Variants in PCDH15 observed in about 807,000 individuals in gnomAD.
PCDH15 encodes protocadherin-15.
In PCDH15, 129 loss-of-function variants were observed where a neutral mutation model predicts 178.5. The observed-to-expected ratio is 0.72, with a 90% CI of 0.63 to 0.84. The LOEUF (loss-of-function observed/expected upper bound fraction) is 0.84, where lower values mean the gene tolerates loss of function less well. Ranked by LOEUF, PCDH15 falls within the 40% of genes least tolerant of loss-of-function variation. The pLI is 0.00. For synonymous variants in PCDH15, 800 were observed against 732.0 expected (o/e 1.09, Z -1.50); for missense variants, 2,230 against 2,099.9 (o/e 1.06, Z -1.21).
At chr10:53,902,599 T>C (rs1029808342) in intron 26 of PCDH15, among the ~76,000 whole-genome samples, 2 of 152,214 alleles carry the variant, frequency 1.3e-5, no homozygotes, top group Admixed American at 1.3e-4. Context: ...TAATACACAG[T>C]TGATTAGAAA....
Position 54,188,891 on chromosome 10 carries a change from T to G in PCDH15, c.1306-3623A>C, listed in dbSNP as rs892965029. ...ATGTATGCATATACAAGAGCATACA[T>G]ATAAATGACAAAGCATAAGAGAAAA... is the stretch of plus-strand genomic sequence containing the variant. On this transcript the variant is annotated intron_variant, in intron 11 of 37. Transcript: ENST00000644397. Among the ~76,000 whole-genome samples, 4 of 152,046 alleles carry G rather than the reference T, an allele frequency of 2.6e-5. No individual in the cohort carries two copies. In the South Asian group the frequency reaches 8.3e-4, roughly 32 times the overall value.
At chr10:54,826,330 A>G (rs1198021799) in intron 3 of PCDH15, among the ~76,000 whole-genome samples, 1 of 152,066 alleles carries the variant, frequency 6.6e-6, no homozygotes, top group Non-Finnish European at 1.5e-5. Flanking sequence ...AAGATAGTTT[A>G]ATAAAAGTAT....
chr10:55,060,387 C>G (rs919374314), intron 2 of PCDH15, among the ~76,000 whole-genome samples: 2 of 152,014 alleles, frequency 1.3e-5, no homozygotes, highest in Non-Finnish European at 2.9e-5. Context: ...CTTACTATTG[C>G]TCACTTACTA....
chr10:54,706,726 C>T (rs189086992), intron 1 of PCDH15, among the ~76,000 whole-genome samples: 3 of 152,228 alleles, frequency 2.0e-5, no homozygotes, highest in Admixed American at 2.0e-4. Context: ...CAGGTTCAAA[C>T]GATCCTCGTG....
At chr10:53,898,839 G>A (rs1249909318) in intron 26 of PCDH15, among the ~76,000 whole-genome samples, 2 of 152,102 alleles carry the variant, frequency 1.3e-5, no homozygotes, top group African/African-American at 4.8e-5. Flanking sequence ...TTCCCCTGAA[G>A]CACATGATCC....
At chr10:55,094,205 T>C (rs1034765712) in intron 2 of PCDH15, among the ~76,000 whole-genome samples, 66 of 152,254 alleles carry the variant, frequency 4.3e-4, no homozygotes, top group Admixed American at 3.9e-4. Context: ...TGGAATACTA[T>C]GCAGCCATAA....
chr10:54,004,483 C>T (rs2660176), intron 20 of PCDH15, among the ~76,000 whole-genome samples: 112,472 of 151,388 alleles, frequency 0.74, 42,294 homozygotes, highest in African/African-American at 0.86. Flanking sequence ...AAAATCAACA[C>T]AGAAAAATCA....
intron 2 of PCDH15, among the ~76,000 whole-genome samples, chr10:54,947,903 T>A (rs1591800804): frequency 1.3e-5 from 2 of 152,050 alleles, no homozygotes; most frequent in African/African-American, 4.8e-5. Context: ...GTGTATTAGG[T>A]AGAATGAACA....
At chr10:54,147,423 T>TA (rs2044097751) in intron 14 of PCDH15, among the ~76,000 whole-genome samples, 2 of 151,816 alleles carry the variant, frequency 1.3e-5, no homozygotes, top group Admixed American at 1.3e-4. Flanking sequence ...TTTACTTAAG[T>TA]AAAAAACATT....
At chr10:54,077,709 T>G (rs1374057322) in intron 17 of PCDH15, among the ~76,000 whole-genome samples, 1 of 150,094 alleles carries the variant, frequency 6.7e-6, no homozygotes, top group Non-Finnish European at 1.5e-5. Context: ...GTTCTTCAAT[T>G]ACTTCCTCCA....
intron 32 of PCDH15, among the ~76,000 whole-genome samples, chr10:53,824,015 A>ATACCAATCAGGAAAAATTGT (rs1564543464): frequency 6.6e-6 from 1 of 152,056 alleles, no homozygotes; most frequent in African/African-American, 2.4e-5. Context: ...CTTATACATA[A>ATACCAATCAGGAAAAATTGT]TACCAATCAG....
chr10:54,977,261 A>G (rs2131899932), intron 2 of PCDH15, among the ~76,000 whole-genome samples: 1 of 152,270 alleles, frequency 6.6e-6, no homozygotes, highest in African/African-American at 2.4e-5. Context: ...CAAGATGAGA[A>G]AGAAGGTCAG....
chr10:54,951,236 T>C (rs1302617279), intron 2 of PCDH15, among the ~76,000 whole-genome samples: 1 of 151,860 alleles, frequency 6.6e-6, no homozygotes, highest in African/African-American at 2.4e-5. Context: ...CCTCATGCAC[T>C]CTAAACCTCT....
intron 3 of PCDH15, among the ~76,000 whole-genome samples, chr10:54,881,944 G>C (rs910213364): frequency 6.6e-6 from 1 of 152,080 alleles, no homozygotes; most frequent in Non-Finnish European, 1.5e-5. Context: ...ATATATATTT[G>C]AAAATATCAG....
chr10:54,008,173 G>C (rs563021520), intron 20 of PCDH15, among the ~76,000 whole-genome samples: 1 of 152,080 alleles, frequency 6.6e-6, no homozygotes, highest in Non-Finnish European at 1.5e-5. Flanking sequence ...ATAAAAAAGT[G>C]GTATTACATA....
intron 2 of PCDH15, among the ~76,000 whole-genome samples, chr10:55,490,594 G>A (rs1304761614): frequency 6.6e-6 from 1 of 151,626 alleles, no homozygotes; most frequent in Non-Finnish European, 1.5e-5. Context: ...TAGAGTAAAG[G>A]CTACTCTAGA....
intron 2 of PCDH15, among the ~76,000 whole-genome samples, chr10:55,484,741 G>C (rs907708105): frequency 6.6e-6 from 1 of 151,652 alleles, no homozygotes; most frequent in Admixed American, 6.6e-5. Flanking sequence ...TGCATTTACA[G>C]CCAACTGATT....
chr10:55,462,289 T>A (rs2132093988), intron 2 of PCDH15, among the ~76,000 whole-genome samples: 1 of 152,232 alleles, frequency 6.6e-6, no homozygotes, highest in South Asian at 2.1e-4. Flanking sequence ...TTTCCTTAAT[T>A]CAGGGAACTT....
At chr10:55,215,236 A>G (rs1840673043) in intron 1 of PCDH15, among the ~76,000 whole-genome samples, 1 of 152,132 alleles carries the variant, frequency 6.6e-6, no homozygotes, top group Admixed American at 6.6e-5. Context: ...TAACTTGTTG[A>G]CTTTGAAAAT....
Sources: allele counts gnomAD v4.1 joint callset (sites outside exome capture counted in the v4.1 genomes callset), GRCh38; gene constraint gnomAD v4.1.1; transcripts MANE v1.5; gene names NCBI Gene and HGNC (gene_info 2026-07-23, HGNC 2026-07-21).